The following FNIP1 variants were observed in gnomAD, a reference collection of about 807,000 sequenced individuals.
FNIP1 encodes the protein folliculin-interacting protein 1.
Under a neutral mutation model 124.5 loss-of-function variants are expected in FNIP1, and 40 were observed. The ratio of observed to expected loss-of-function variants is 0.32; its 90% CI spans 0.25 to 0.42. The LOEUF (loss-of-function observed/expected upper bound fraction) is 0.42. FNIP1 is among the 10% of genes least tolerant of loss of function. The pLI is 1.00. For missense variants in FNIP1, 1,176 were observed against 1,403.7 expected (o/e 0.84, Z 2.59); for synonymous variants, 472 against 470.6 (o/e 1.00, Z -0.04).
Position 131,766,946 on chromosome 5 carries a change from A to T in FNIP1, c.93-22256T>A, listed in dbSNP as rs184147056. On this transcript the variant is annotated intron_variant, in intron 1 of 17. Coordinates refer to ENST00000510461, the MANE Select transcript of FNIP1 (RefSeq NM_133372.3). ...CTATCTATGTTGAGGGCTGATCTGC[A>T]CTCCGTCCACAGACTCCCACACCAA... 1.8e-3 allele frequency among the ~76,000 whole-genome samples: 268 copies of T among 151,978 alleles called. 1 individual carries two copies. The highest frequency in any genetic ancestry group is 3.1e-4 in the Non-Finnish European group (21 of 67,976).
At chr5:131,670,740 T>G in intron 14 of FNIP1, 109 bp from the exon 15 acceptor site, 2 of 741,294 alleles carry the variant, frequency 2.7e-6, no homozygotes, top group Non-Finnish European at 4.1e-6. Flanking sequence ...CTAGTCTGTA[T>G]TAAAATCAAG....
intron 1 of FNIP1, among the ~76,000 whole-genome samples, chr5:131,781,265 G>A (rs980420146): frequency 6.6e-6 from 1 of 152,154 alleles, no homozygotes; most frequent in African/African-American, 2.4e-5. Flanking sequence ...AAAATTACAA[G>A]GTAAAAAGGC....
intron 14 of FNIP1, 57 bp from the exon 15 acceptor site, chr5:131,670,688 T>TA (rs75570333): frequency 0.17 from 158,950 of 922,662 alleles, 86 homozygotes; most frequent in East Asian, 0.18. Context: ...ATTTAACCAG[T>TA]AAAAAAAAAA....
In FNIP1 at chr5:131,644,681, T is replaced by A. The variant is rs1343585792; in HGVS notation, c.*4A>T. On this transcript the variant is annotated 3_prime_UTR_variant, in exon 18 of 18. Coordinates refer to ENST00000510461, the MANE Select transcript of FNIP1 (RefSeq NM_133372.3). The stretch of plus-strand genomic sequence containing the variant: ...CCACCAATTTCTAACAATTTTTAGG[T>A]ATATTAAAGGAGTATTTGTGCAACA... 5.0e-6 allele frequency: 8 copies of A among 1,612,768 alleles called. No individual in the cohort carries two copies. Among genetic ancestry groups the A allele is most frequent in the Non-Finnish European group, 6.8e-6 (8 of 1,179,052 alleles).
At chr5:131,677,915 T>A in intron 12 of FNIP1, 43 bp from the exon 13 acceptor site, 3 of 1,581,996 alleles carry the variant, frequency 1.9e-6, no homozygotes, top group Non-Finnish European at 2.6e-6. Flanking sequence ...TCAGTCTTCA[T>A]GAAACCTTAG....
chr5:131,736,054 T>A (rs1770292702), intron 2 of FNIP1, among the ~76,000 whole-genome samples: 1 of 152,096 alleles, frequency 6.6e-6, no homozygotes, highest in South Asian at 2.1e-4. Context: ...GGATTACAGG[T>A]GTGAGCCACT....
chr5:131,677,099 A>G (rs1767934045), intron 13 of FNIP1, among the ~76,000 whole-genome samples: 2 of 152,254 alleles, frequency 1.3e-5, no homozygotes, highest in Non-Finnish European at 2.9e-5. Flanking sequence ...TAAAGTATGT[A>G]TCATCTACTA....
At chr5:131,754,578 G>A (rs952495082) in intron 1 of FNIP1, among the ~76,000 whole-genome samples, 2 of 152,174 alleles carry the variant, frequency 1.3e-5, no homozygotes, top group Admixed American at 1.3e-4. Context: ...AGGGGAGAAG[G>A]GCATTCTCTT....
chr5:131,680,290 T>C (rs931336585), intron 11 of FNIP1, among the ~76,000 whole-genome samples: 31 of 152,230 alleles, frequency 2.0e-4, no homozygotes, highest in African/African-American at 7.5e-4. Context: ...AGAAGAATTA[T>C]CTTGCCTCTA....
chr5:131,739,812 C>CAAA (rs60928249), intron 2 of FNIP1, among the ~76,000 whole-genome samples: 87 of 31,054 alleles, frequency 2.8e-3, no homozygotes, highest in African/African-American at 3.7e-3. Context: ...GACTCCAGCT[C>CAAA]AAAAAAAAAA....
At chr5:131,696,937 AATG>A (rs1768715251) in intron 11 of FNIP1, among the ~76,000 whole-genome samples, 1 of 152,148 alleles carries the variant, frequency 6.6e-6, no homozygotes, top group Non-Finnish European at 1.5e-5. Context: ...GAGTCAAGTA[AATG>A]ATTATTATAC....
intron 3 of FNIP1, among the ~76,000 whole-genome samples, chr5:131,727,132 G>A (rs1449595189): frequency 1.3e-5 from 2 of 152,190 alleles, no homozygotes; most frequent in Non-Finnish European, 2.9e-5. Context: ...CTGTTTATTT[G>A]GGGTGGAGAG....
chr5:131,747,281 G>A (rs1366131417), intron 1 of FNIP1, among the ~76,000 whole-genome samples: 3 of 152,154 alleles, frequency 2.0e-5, no homozygotes, highest in East Asian at 1.9e-4. Context: ...CTCTGTCAAC[G>A]TATGTGAAAC....
chr5:131,775,049 G>C (rs2149579934), intron 1 of FNIP1, among the ~76,000 whole-genome samples: 1 of 152,334 alleles, frequency 6.6e-6, no homozygotes, highest in Admixed American at 6.5e-5. Context: ...TTTGATCCAA[G>C]CAAGTTGCCA....
At chr5:131,656,395 G>A (rs531333489) in intron 15 of FNIP1, among the ~76,000 whole-genome samples, 1 of 152,326 alleles carries the variant, frequency 6.6e-6, no homozygotes, top group South Asian at 2.1e-4. Context: ...GCCACTAGGT[G>A]TGAAAACCAG....
At chr5:131,788,191 A>G (rs1772279132) in intron 1 of FNIP1, among the ~76,000 whole-genome samples, 1 of 152,208 alleles carries the variant, frequency 6.6e-6, no homozygotes, top group South Asian at 2.1e-4. Context: ...GGAATAAACA[A>G]TGATCTCTGA....
intron 1 of FNIP1, among the ~76,000 whole-genome samples, chr5:131,785,079 CATATATATATGAT>C (rs1772137888): frequency 3.2e-4 from 4 of 12,406 alleles, no homozygotes; most frequent in African/African-American, 8.0e-4. Flanking sequence ...ATATATATGA[CATATATATATGAT>C]ATATATGACT....
chr5:131,677,997 G>C (rs1408697052), intron 12 of FNIP1, 125 bp from the exon 13 acceptor site: 5 of 823,944 alleles, frequency 6.1e-6, no homozygotes, highest in Non-Finnish European at 9.1e-6. Context: ...AAAAAAAGGA[G>C]AAGAGAGAGG....
chr5:131,684,356 G>A (rs1208227483), intron 11 of FNIP1, among the ~76,000 whole-genome samples: 1 of 151,842 alleles, frequency 6.6e-6, no homozygotes, highest in Non-Finnish European at 1.5e-5. Flanking sequence ...TTAGCAAGTG[G>A]GTGAATTCTA....
Sources: allele counts gnomAD v4.1 joint callset (sites outside exome capture counted in the v4.1 genomes callset), GRCh38; gene constraint gnomAD v4.1.1; transcripts MANE v1.5; gene names NCBI Gene and HGNC (gene_info 2026-07-23, HGNC 2026-07-21).